Variants in CEACAM16 observed in about 807,000 individuals in gnomAD.
CEACAM16 encodes the protein cell adhesion molecule CEACAM16.
In CEACAM16, 30 loss-of-function variants were observed where a neutral mutation model predicts 39.4. The ratio of observed to expected loss-of-function variants is 0.76; its 90% CI spans 0.57 to 1.03. The LOEUF (loss-of-function observed/expected upper bound fraction) is 1.03. Among genes scored for constraint, CEACAM16 ranks in the 50% least tolerant of loss-of-function variants. The probability of loss-of-function intolerance (pLI) is 0.00; values close to 1 mark genes in which losing one functional copy is unlikely to be tolerated. For synonymous variants in CEACAM16, 262 were observed against 264.9 expected (o/e 0.99, Z 0.11); for missense variants, 521 against 585.3 (o/e 0.89, Z 1.13).
intron 5 of CEACAM16, among the ~76,000 whole-genome samples, chr19:44,707,601 G>A (rs998039087): frequency 2.6e-5 from 4 of 152,158 alleles, no homozygotes; most frequent in Non-Finnish European, 5.9e-5. Context: ...AAGCCTCTAG[G>A]GTCTTCCAGT....
intron 1 of CEACAM16, among the ~76,000 whole-genome samples, chr19:44,700,125 C>G (rs1044181653): frequency 5.9e-5 from 9 of 152,238 alleles, no homozygotes; most frequent in African/African-American, 1.9e-4. Context: ...CCTGCCTCAG[C>G]CTCTCGAGTA....
chr19:44,710,185 G>A (rs566394602), intron 6 of CEACAM16, among the ~76,000 whole-genome samples: 1 of 152,336 alleles, frequency 6.6e-6, no homozygotes, highest in Non-Finnish European at 1.5e-5. Flanking sequence ...CTTTCATCCA[G>A]TCACTGATCA....
At chr19:44,704,680 G>A (rs1325951263) in intron 4 of CEACAM16, among the ~76,000 whole-genome samples, 1 of 151,968 alleles carries the variant, frequency 6.6e-6, no homozygotes, top group Non-Finnish European at 1.5e-5. Flanking sequence ...TGCAGGTGCA[G>A]TAAGCTATGA....
chr19:44,700,995 G>A (rs1369047522), intron 1 of CEACAM16, among the ~76,000 whole-genome samples: 1 of 152,202 alleles, frequency 6.6e-6, no homozygotes, highest in East Asian at 1.9e-4. Context: ...GACAACACCT[G>A]TAGGTCCCCT....
chr19:44,707,843 C>A lies in CEACAM16; in HGVS notation c.941-18C>A, dbSNP rs765999229. 6.0e-6 allele frequency: 9 copies of A among 1,508,544 alleles called. No homozygotes were observed. In the East Asian group the frequency reaches 1.7e-4, roughly 28 times the overall value. 93.4% of individuals were successfully genotyped at this position (1,508,544 alleles called of 1,614,324 possible). A position where few individuals can be genotyped will look rare whatever the true frequency, so the allele number is the denominator to read the frequency against. On this transcript the variant is annotated intron_variant, in intron 5 of 6. Transcript: ENST00000587331. ...AGATGCAGACCAAACTGACCCAGCC[C>A]GCTCGCTCTCTCCCCAGCTGCAGCA... is the stretch of plus-strand genomic sequence containing the variant.
Position 44,709,883 on chromosome 19 carries a change from A to G in CEACAM16, c.1268-613A>G, listed in dbSNP as rs181195470. On this transcript the variant is annotated intron_variant, in intron 6 of 6. Transcript: ENST00000587331. ...CTCCTCCATCAGACTGGGAGATCCCAGAGTCAGGGTCTATGTCTCCTCCAT... is the reference window on the plus strand; with the variant it reads ...CTCCTCCATCAGACTGGGAGATCCCGGAGTCAGGGTCTATGTCTCCTCCAT... Among the ~76,000 whole-genome samples the G allele has an allele frequency of 2.6e-3, 398 of 151,896 alleles. 2 individuals carry two copies. Among genetic ancestry groups the G allele is most frequent in the Non-Finnish European group, 3.1e-3 (207 of 67,768 alleles).
intron 1 of CEACAM16, among the ~76,000 whole-genome samples, chr19:44,700,263 C>T (rs535320792): frequency 6.6e-6 from 1 of 151,986 alleles, no homozygotes; most frequent in South Asian, 2.1e-4. Context: ...CCTTGGCCTC[C>T]CAAAGTGTTG....
At chr19:44,704,345 G>C in intron 4 of CEACAM16, 49 bp downstream of exon 4, 1 of 1,443,642 alleles carries the variant, frequency 6.9e-7, no homozygotes, top group Non-Finnish European at 9.1e-7. Flanking sequence ...AAACCTCATG[G>C]ATGGGGAAAC....
At chr19:44,700,196 G>A (rs1021950893) in intron 1 of CEACAM16, among the ~76,000 whole-genome samples, 2 of 152,246 alleles carry the variant, frequency 1.3e-5, no homozygotes, top group South Asian at 2.1e-4. Flanking sequence ...TAGTACATAC[G>A]AGGTTTCACC....
chr19:44,700,383 C>A (rs1400969849), intron 1 of CEACAM16, among the ~76,000 whole-genome samples: 2 of 152,124 alleles, frequency 1.3e-5, no homozygotes, highest in African/African-American at 4.8e-5. Flanking sequence ...GGTGATCTGC[C>A]CATCTCAGCC....
intron 4 of CEACAM16, among the ~76,000 whole-genome samples, chr19:44,704,980 G>C (rs1031769818): frequency 6.6e-6 from 1 of 152,172 alleles, no homozygotes; most frequent in Admixed American, 6.6e-5. Context: ...CCCAGGAGCA[G>C]CAGATGTGCA....
chr19:44,701,266 A>C lies in CEACAM16; in HGVS notation c.-96-95A>C. ...CCTCTGGCCGGTGCCCGCCACACCC[A>C]CCCTGGTACCCAAACCGGGCCCCAG... On this transcript the variant is annotated intron_variant, in intron 1 of 6. Coordinates refer to ENST00000587331, the MANE Select transcript of CEACAM16 (RefSeq NM_001039213.4). This position sits in a 1 kb window ranked among gnomAD's most constrained non-coding sequence, Gnocchi z 4.0. The C allele has an allele frequency of 2.9e-6, 2 of 686,936 alleles. No homozygotes were observed. The highest frequency in any genetic ancestry group is 5.1e-6 in the Non-Finnish European group (2 of 389,004). 42.6% of individuals were successfully genotyped at this position (686,936 alleles called of 1,614,324 possible). A position where few individuals can be genotyped will look rare whatever the true frequency, so the allele number is the denominator to read the frequency against.
intron 4 of CEACAM16, among the ~76,000 whole-genome samples, chr19:44,705,288 G>C (rs985563139): frequency 2.3e-5 from 3 of 127,790 alleles, no homozygotes; most frequent in African/African-American, 7.6e-5. Flanking sequence ...GAATGGCTTT[G>C]TCAGAAAAAA....
rs1033979550 is a variant in CEACAM16, at chr19:44,705,807, T to G, written c.879T>G (p.Cys293Trp). The G allele has an allele frequency of 1.2e-6, 2 of 1,613,834 alleles. No homozygotes were observed. The highest frequency in any genetic ancestry group is 2.7e-5 in the African/African-American group (2 of 74,918). ...CCGCCCAGGAGGGGACGTACACATG[T>G]ATTGCGAAGAACACCAAGACCCTGC... is the stretch of plus-strand genomic sequence containing the variant. ...MTAAQEGTYTCIAKNTKTLLS... is the reference protein window; with the variant it reads ...MTAAQEGTYTWIAKNTKTLLS... Residue 293 changes from cysteine to tryptophan, a missense_variant, in exon 5 of 7, where the codon TGT becomes TGG. Coordinates refer to ENST00000587331, the MANE Select transcript of CEACAM16 (RefSeq NM_001039213.4).
At position 44,707,849 on chromosome 19, in the gene CEACAM16, C is replaced by G. The variant is rs1433921930; in HGVS notation, c.941-12C>G. 2 of 1,520,842 alleles carry G rather than the reference C, an allele frequency of 1.3e-6. No homozygotes were observed. The highest frequency in any genetic ancestry group is 2.6e-5 in the South Asian group (2 of 76,696). The allele number at this position is 1,520,842 out of a possible 1,614,324, so 94.2% of individuals were successfully genotyped here. ...AGACCAAACTGACCCAGCCCGCTCGCTCTCTCCCCAGCTGCAGCAGTTGCC... is the reference window on the plus strand; with the variant it reads ...AGACCAAACTGACCCAGCCCGCTCGGTCTCTCCCCAGCTGCAGCAGTTGCC... On this transcript the variant is annotated splice_polypyrimidine_tract_variant and intron_variant, in intron 5 of 6. Coordinates refer to ENST00000587331, the MANE Select transcript of CEACAM16 (RefSeq NM_001039213.4).
At position 44,703,979 on chromosome 19, in the gene CEACAM16, G is replaced by A. The variant is rs1185430003; in HGVS notation, c.383-39G>A. The A allele has an allele frequency of 1.9e-6, 3 of 1,541,074 alleles. No individual in the cohort carries two copies. In the Admixed American group the frequency reaches 5.5e-5, roughly 28 times the overall value. ...GAAGGGAAGGCCCTCAGAGCAGGTGGTGTCCGGCCCCCTCCCCCTCTGTCT... is the reference window on the plus strand; with the variant it reads ...GAAGGGAAGGCCCTCAGAGCAGGTGATGTCCGGCCCCCTCCCCCTCTGTCT... On this transcript the variant is annotated intron_variant, in intron 3 of 6. Transcript: ENST00000587331.
In CEACAM16 at chr19:44,705,848, C is replaced by T. The variant is rs1974438466; in HGVS notation, c.920C>T (p.Ser307Leu). ...AAGACCCTGCTATCTGGATCTGCCT[C>T]AGTCGTGGTCAAGCTCTCTGGTGAG... ...NTKTLLSGSA[S>L]VVVKLSAAAV... The change falls in exon 5 of 7, where the codon TCA becomes TTA. Residue 307 changes from serine to leucine, a missense_variant. Ser to Leu is a moderately radical substitution (Grantham distance 145, BLOSUM62 -2). Coordinates refer to ENST00000587331, the MANE Select transcript of CEACAM16 (RefSeq NM_001039213.4). The T allele has an allele frequency of 6.2e-7, 1 of 1,612,530 alleles. No homozygotes were observed. The highest frequency in any genetic ancestry group is 8.5e-7 in the Non-Finnish European group (1 of 1,178,780).
At chr19:44,699,394 G>A (rs1396798863) in intron 1 of CEACAM16, 134 bp downstream of exon 1, 1 of 485,016 alleles carries the variant, frequency 2.1e-6, no homozygotes, top group Non-Finnish European at 4.3e-6. Context: ...CAGGGTCCTG[G>A]AGGTAGGAAA....
chr19:44,704,037 A>G lies in CEACAM16; in HGVS notation c.402A>G (p.Thr134=). Residue 134 remains threonine, a synonymous_variant, in exon 4 of 7, where the codon ACA becomes ACG. Coordinates refer to ENST00000587331, the MANE Select transcript of CEACAM16 (RefSeq NM_001039213.4). ...CCACAGAGATCCTGGCCCAGCCCAC[A>G]GTCTTGGCCAACAGCACAGCGCTGG... ...VQVHEILAQP[T]VLANSTALVE... 6.3e-7 allele frequency: 1 copy of G among 1,597,820 alleles called. No individual in the cohort carries two copies. The highest frequency in any genetic ancestry group is 8.6e-7 in the Non-Finnish European group (1 of 1,169,076).
Sources: allele counts gnomAD v4.1 joint callset (sites outside exome capture counted in the v4.1 genomes callset), GRCh38; gene constraint gnomAD v4.1.1; non-coding constraint Gnocchi (gnomAD v3.1); transcripts MANE v1.5; gene names NCBI Gene and HGNC (gene_info 2026-07-23, HGNC 2026-07-21).